Variants in NEBL observed in about 807,000 individuals in gnomAD.
The protein encoded by NEBL is nebulette, also known as LIM and SH3 protein 2.
NEBL carries 122 observed loss-of-function variants against 140.2 expected under a neutral mutation model. The observed-to-expected ratio is 0.87, with a 90% CI of 0.75 to 1.01. NEBL has a LOEUF of 1.01. Among genes scored for constraint, NEBL ranks in the 50% least tolerant of loss-of-function variants. The pLI is 0.00. For synonymous variants in NEBL, 436 were observed against 398.9 expected (o/e 1.09, Z -1.11); for missense variants, 1,365 against 1,231.3 (o/e 1.11, Z -1.62).
rs117036471 is a variant in NEBL, at chr10:21,065,601, G to T, written c.165-45400C>A. 1.5e-3 allele frequency among the ~76,000 whole-genome samples: 221 copies of T among 152,360 alleles called. 5 individuals carry two copies. In the East Asian group the frequency reaches 0.036, roughly 25 times the overall value. ...AAAACACATTAATGTCTTAACTCAT[G>T]ATTCTTAATGCAAAACCTGTCACAT... On this transcript the variant is annotated intron_variant, in intron 2 of 6. Coordinates refer to the NEBL transcript ENST00000417816.
chr10:20,814,571 C>T (rs1838518076), intron 22 of NEBL, among the ~76,000 whole-genome samples: 1 of 151,580 alleles, frequency 6.6e-6, no homozygotes, highest in Non-Finnish European at 1.5e-5. Context: ...TATTGCATTC[C>T]AGCCCGGGCA....
At chr10:20,977,325 C>T (rs921045375) in intron 3 of NEBL, among the ~76,000 whole-genome samples, 4 of 152,204 alleles carry the variant, frequency 2.6e-5, no homozygotes, top group South Asian at 4.1e-4. Flanking sequence ...AGGTCGTCTT[C>T]GTTCCCCCAT....
At chr10:20,912,484 C>G (rs1431270019) in intron 4 of NEBL, among the ~76,000 whole-genome samples, 1 of 152,178 alleles carries the variant, frequency 6.6e-6, no homozygotes, top group African/African-American at 2.4e-5. Flanking sequence ...CTTACAGTAT[C>G]TCAACACAAG....
chr10:20,920,148 C>A (rs184929932), intron 4 of NEBL, among the ~76,000 whole-genome samples: 7 of 152,124 alleles, frequency 4.6e-5, no homozygotes, highest in African/African-American at 1.4e-4. Context: ...AGTTTAACAA[C>A]GTATTCTGTT....
intron 3 of NEBL, among the ~76,000 whole-genome samples, chr10:21,242,383 C>T (rs949639709): frequency 2.6e-5 from 4 of 152,126 alleles, no homozygotes; most frequent in Non-Finnish European, 5.9e-5. Context: ...AAACCAAATA[C>T]TGCATGTTCT....
At chr10:21,083,364 A>G (rs1469676965) in intron 2 of NEBL, among the ~76,000 whole-genome samples, 1 of 152,150 alleles carries the variant, frequency 6.6e-6, no homozygotes, top group Admixed American at 6.5e-5. Context: ...CTGGGCACTC[A>G]TCATGTCCCT....
At chr10:21,220,686 G>A (rs1268059902) in intron 3 of NEBL, among the ~76,000 whole-genome samples, 1 of 152,128 alleles carries the variant, frequency 6.6e-6, no homozygotes, top group African/African-American at 2.4e-5. Context: ...CACAGCAAAG[G>A]AAACAATCAA....
chr10:21,095,406 C>T (rs981547679), intron 2 of NEBL, among the ~76,000 whole-genome samples: 2 of 152,130 alleles, frequency 1.3e-5, no homozygotes, highest in African/African-American at 4.8e-5. Flanking sequence ...ACTACAGATT[C>T]CCTTCGATGT....
intron 2 of NEBL, among the ~76,000 whole-genome samples, chr10:21,028,254 A>AAAGAAGAAGAAG: frequency 1.4e-5 from 1 of 70,348 alleles, no homozygotes; most frequent in East Asian, 6.9e-4. Context: ...AAAAAAAAAA[A>AAAGAAGAAGAAG]AAGAAGAAGA....
intron 1 of NEBL, among the ~76,000 whole-genome samples, chr10:21,280,226 C>T (rs751466549): frequency 6.6e-6 from 1 of 152,088 alleles, no homozygotes; most frequent in African/African-American, 2.4e-5. Context: ...ACACATGGGC[C>T]GAAGTCACAT....
exon 1 of NEBL, among the ~76,000 whole-genome samples, chr10:21,292,945 GTCA>G (rs973677524): frequency 9.9e-5 from 15 of 152,182 alleles, no homozygotes; most frequent in African/African-American, 3.6e-4. Flanking sequence ...AAAGATTTGG[GTCA>G]TCATTTTTTA....
At chr10:20,818,783 A>T (rs1838984850) in intron 20 of NEBL, 1 of 986,408 alleles carries the variant, frequency 1.0e-6, no homozygotes. Context: ...AAGCAAACAC[A>T]GCTAAGGTAC....
chr10:21,175,408 A>G (rs1841275841), upstream of NEBL, among the ~76,000 whole-genome samples: 1 of 152,266 alleles, frequency 6.6e-6, no homozygotes, highest in Non-Finnish European at 1.5e-5. Flanking sequence ...GTTATAACAA[A>G]GAAGCGAACA....
At chr10:21,251,328 G>A (rs1191084175) in intron 2 of NEBL, among the ~76,000 whole-genome samples, 1 of 152,176 alleles carries the variant, frequency 6.6e-6, no homozygotes, top group Non-Finnish European at 1.5e-5. Flanking sequence ...GCTGTGGCCA[G>A]GTCGGGGTAG....
At chr10:20,849,057 T>C (rs928967817) in intron 11 of NEBL, among the ~76,000 whole-genome samples, 1 of 152,166 alleles carries the variant, frequency 6.6e-6, no homozygotes, top group African/African-American at 2.4e-5. Flanking sequence ...TCATTGAGCA[T>C]GCCTAGCATG....
chr10:20,858,094 G>A (rs1843270968), intron 9 of NEBL, 146 bp downstream of exon 9: 3 of 705,488 alleles, frequency 4.3e-6, no homozygotes, highest in Admixed American at 2.1e-5. Context: ...TCTGCAAGCA[G>A]AGGACTGTTT....
chr10:20,880,160 A>C (rs1330803861), intron 5 of NEBL, among the ~76,000 whole-genome samples: 2 of 152,166 alleles, frequency 1.3e-5, no homozygotes, highest in Admixed American at 6.5e-5. Flanking sequence ...CAGGAGCTCA[A>C]GACCAGCCTG....
chr10:20,975,512 A>T (rs16921300), intron 3 of NEBL, among the ~76,000 whole-genome samples: 4,155 of 152,232 alleles, frequency 0.027, 179 homozygotes, highest in African/African-American at 0.093. Flanking sequence ...CAGTAGCAAG[A>T]GCTATTATAG....
At chr10:21,065,288 C>A (rs1365949839) in intron 2 of NEBL, among the ~76,000 whole-genome samples, 1 of 152,184 alleles carries the variant, frequency 6.6e-6, no homozygotes, top group Non-Finnish European at 1.5e-5. Flanking sequence ...CTGATGAACA[C>A]ACTTTGTTTA....
Sources: allele counts gnomAD v4.1 joint callset (sites outside exome capture counted in the v4.1 genomes callset), GRCh38; gene constraint gnomAD v4.1.1; transcripts MANE v1.5; gene names NCBI Gene and HGNC (gene_info 2026-07-23, HGNC 2026-07-21).